The following DGKB variants were observed in gnomAD, a reference collection of about 807,000 sequenced individuals.
DGKB encodes diacylglycerol kinase beta.
DGKB carries 67 observed loss-of-function variants against 114.3 expected under a neutral mutation model. The observed-to-expected ratio is 0.59, with a 90% CI of 0.48 to 0.72. DGKB has a LOEUF of 0.72. Among genes scored for constraint, DGKB ranks in the 30% least tolerant of loss-of-function variants. The pLI is 0.00. For missense variants in DGKB, 907 were observed against 975.2 expected (o/e 0.93, Z 0.93); for synonymous variants, 398 against 323.1 (o/e 1.23, Z -2.49).
chr7:14,167,091 G>A (rs1784715761), intron 25 of DGKB, among the ~76,000 whole-genome samples: 1 of 151,024 alleles, frequency 6.6e-6, no homozygotes, highest in Admixed American at 6.6e-5. Context: ...TGTGCCTGTA[G>A]TCCCAGCTAC....
Position 14,574,765 on chromosome 7 carries a change from C to T in DGKB, c.1610-393G>A, listed in dbSNP as rs115719969. Among the ~76,000 whole-genome samples, 1,297 of 152,276 alleles carry T rather than the reference C, an allele frequency of 8.5e-3. 16 individuals are homozygous for T. The highest frequency in any genetic ancestry group is 0.029 in the African/African-American group (1,206 of 41,566). On this transcript the variant is annotated intron_variant, in intron 19 of 25. Coordinates refer to ENST00000402815, the MANE Select transcript of DGKB (RefSeq NM_001350709.2). ...TCTACCCAGCTGCTAAAGTCAGAAA[C>T]GTGGATGACATTTTAGACTTTTCCC...
intron 21 of DGKB, among the ~76,000 whole-genome samples, chr7:14,355,958 T>C (rs1398224829): frequency 6.6e-6 from 1 of 152,168 alleles, no homozygotes; most frequent in East Asian, 1.9e-4. Flanking sequence ...TTTCAGAACT[T>C]GCTATTTGTC....
At chr7:14,241,277 T>C (rs1793602237) in intron 23 of DGKB, among the ~76,000 whole-genome samples, 1 of 152,126 alleles carries the variant, frequency 6.6e-6, no homozygotes, top group Non-Finnish European at 1.5e-5. Flanking sequence ...AGTCCAAACA[T>C]ACAATTTCTC....
At chr7:14,515,689 T>A (rs1788681570) in intron 20 of DGKB, among the ~76,000 whole-genome samples, 2 of 152,216 alleles carry the variant, frequency 1.3e-5, no homozygotes, top group South Asian at 4.1e-4. Context: ...CAACCTTCTG[T>A]CTTTGTCATC....
chr7:14,457,015 T>C (rs1832384098), intron 21 of DGKB, among the ~76,000 whole-genome samples: 1 of 152,164 alleles, frequency 6.6e-6, no homozygotes, highest in South Asian at 2.1e-4. Flanking sequence ...ACACTTTCAC[T>C]GTGCTGAATC....
intron 23 of DGKB, among the ~76,000 whole-genome samples, chr7:14,285,295 C>A (rs559523102): frequency 7.9e-5 from 12 of 152,260 alleles, no homozygotes; most frequent in Non-Finnish European, 1.3e-4. Flanking sequence ...TGTGCAGAGG[C>A]AAGTCACTGA....
chr7:14,646,653 CAATAA>C (rs1262922855), intron 13 of DGKB, among the ~76,000 whole-genome samples: 1 of 151,760 alleles, frequency 6.6e-6, no homozygotes, highest in Non-Finnish European at 1.5e-5. Flanking sequence ...TCTCAGAACA[CAATAA>C]AATAAAATCA....
intron 21 of DGKB, among the ~76,000 whole-genome samples, chr7:14,367,781 C>A (rs965579069): frequency 1.3e-5 from 2 of 151,974 alleles, no homozygotes. Flanking sequence ...GAAGCAAGCA[C>A]CTTTGTCACA....
At chr7:14,731,845 A>G (rs1830971081) in intron 5 of DGKB, among the ~76,000 whole-genome samples, 1 of 152,248 alleles carries the variant, frequency 6.6e-6, no homozygotes, top group Non-Finnish European at 1.5e-5. Context: ...GACATTTGCA[A>G]TGACACAGAA....
intron 21 of DGKB, among the ~76,000 whole-genome samples, chr7:14,457,368 G>A (rs930688582): frequency 1.3e-5 from 2 of 151,870 alleles, no homozygotes; most frequent in Non-Finnish European, 2.9e-5. Flanking sequence ...TTAAAATTAC[G>A]GTAATAAAGG....
At chr7:14,196,870 A>G (rs1355585612) in intron 23 of DGKB, among the ~76,000 whole-genome samples, 3 of 152,092 alleles carry the variant, frequency 2.0e-5, no homozygotes, top group Admixed American at 2.0e-4. Flanking sequence ...TCTGTGAAAA[A>G]GTTTTCATTG....
chr7:14,196,033 G>A (rs971237365), intron 23 of DGKB, among the ~76,000 whole-genome samples: 7 of 152,080 alleles, frequency 4.6e-5, no homozygotes, highest in Admixed American at 1.3e-4. Flanking sequence ...GTTTGTTGCC[G>A]AAAAATATAG....
chr7:14,168,265 A>T (rs1784892400), intron 25 of DGKB, among the ~76,000 whole-genome samples: 1 of 152,244 alleles, frequency 6.6e-6, no homozygotes. Context: ...CAATGTAAAC[A>T]ATAGAAAATA....
intron 1 of DGKB, among the ~76,000 whole-genome samples, chr7:14,841,930 C>A (rs998670738): frequency 2.0e-5 from 3 of 152,092 alleles, no homozygotes; most frequent in Non-Finnish European, 4.4e-5. Flanking sequence ...TAAAAAAATT[C>A]AAAAGATTGG....
intron 23 of DGKB, among the ~76,000 whole-genome samples, chr7:14,277,287 C>T (rs1290973847): frequency 1.3e-5 from 2 of 152,132 alleles, no homozygotes; most frequent in African/African-American, 4.8e-5. Flanking sequence ...TCTTGCACCT[C>T]AGCCTCCCAA....
At chr7:14,267,537 G>A (rs1393144602) in intron 23 of DGKB, among the ~76,000 whole-genome samples, 1 of 151,026 alleles carries the variant, frequency 6.6e-6, no homozygotes, top group Non-Finnish European at 1.5e-5. Context: ...TGCCCAGGCT[G>A]GAGTGCAGTG....
intron 20 of DGKB, among the ~76,000 whole-genome samples, chr7:14,567,490 AT>A (rs1290278847): frequency 1.2e-5 from 1 of 86,216 alleles, no homozygotes; most frequent in Non-Finnish European, 2.1e-5. Flanking sequence ...ATATTTATAT[AT>A]TATATATAAT....
At chr7:14,852,490 A>AAAAAAACAAACAAACAAAC (rs1048351325) in intron 1 of DGKB, among the ~76,000 whole-genome samples, 1 of 149,432 alleles carries the variant, frequency 6.7e-6, no homozygotes, top group African/African-American at 2.4e-5. Flanking sequence ...TGAAAGTCAA[A>AAAAAAACAAACAAACAAAC]AAAAAAACAG....
At chr7:14,484,904 G>T (rs1264193954) in intron 20 of DGKB, among the ~76,000 whole-genome samples, 25 of 151,962 alleles carry the variant, frequency 1.6e-4, no homozygotes, top group Admixed American at 1.3e-3. Context: ...CACATAAATT[G>T]GGAGAAGAGT....
Sources: allele counts gnomAD v4.1 joint callset (sites outside exome capture counted in the v4.1 genomes callset), GRCh38; gene constraint gnomAD v4.1.1; transcripts MANE v1.5; gene names NCBI Gene and HGNC (gene_info 2026-07-23, HGNC 2026-07-21).